Variants in UTRN observed in about 807,000 individuals in gnomAD.
UTRN encodes utrophin, also known as dystrophin-related protein 1.
In UTRN, 283 loss-of-function variants were observed where a neutral mutation model predicts 463.9. The ratio of observed to expected loss-of-function variants is 0.61; its 90% CI spans 0.55 to 0.67. The LOEUF (loss-of-function observed/expected upper bound fraction) is 0.67. Ranked by LOEUF, UTRN falls within the 30% of genes least tolerant of loss-of-function variation. The pLI, the probability that UTRN is intolerant of heterozygous loss-of-function variation, is 0.00. For synonymous variants in UTRN, 1,442 were observed against 1,431.5 expected (o/e 1.01, Z -0.17); for missense variants, 3,922 against 4,084.3 (o/e 0.96, Z 1.08).
intron 51 of UTRN, among the ~76,000 whole-genome samples, chr6:144,586,416 T>C (rs1445585541): frequency 6.6e-6 from 1 of 152,164 alleles, no homozygotes; most frequent in African/African-American, 2.4e-5. Flanking sequence ...CCTGATGACC[T>C]AAAATCACCC....
chr6:144,763,827 C>CCTTTGTTAT (rs775668069), intron 58 of UTRN, among the ~76,000 whole-genome samples: 2 of 152,138 alleles, frequency 1.3e-5, no homozygotes, highest in Non-Finnish European at 2.9e-5. Context: ...GTATAATTAA[C>CCTTTGTTAT]AATGAAAAAT....
intron 51 of UTRN, among the ~76,000 whole-genome samples, chr6:144,587,601 A>T (rs79339234): frequency 6.6e-6 from 1 of 152,132 alleles, no homozygotes; most frequent in South Asian, 2.1e-4. Flanking sequence ...TTTAGAAGAC[A>T]CTGAATGGAG....
chr6:144,826,251 A>G (rs980667080), intron 66 of UTRN, among the ~76,000 whole-genome samples: 3 of 152,062 alleles, frequency 2.0e-5, no homozygotes, highest in Non-Finnish European at 4.4e-5. Context: ...ATAATGTTCA[A>G]AAGTCTTTGC....
chr6:144,805,461 G>A (rs754265901), intron 65 of UTRN, among the ~76,000 whole-genome samples: 2 of 152,188 alleles, frequency 1.3e-5, no homozygotes, highest in Non-Finnish European at 2.9e-5. Context: ...ATTCAGCCCT[G>A]TAAAGAACTA....
chr6:144,496,163 C>A (rs1406430574), intron 33 of UTRN, among the ~76,000 whole-genome samples: 4 of 152,156 alleles, frequency 2.6e-5, no homozygotes, highest in African/African-American at 9.7e-5. Flanking sequence ...AGTGTGAAAC[C>A]TTAATAGGTA....
chr6:144,749,495 G>A, intron 55 of UTRN, among the ~76,000 whole-genome samples: 1 of 152,186 alleles, frequency 6.6e-6, no homozygotes, highest in Admixed American at 6.5e-5. Flanking sequence ...TTTATGGCAA[G>A]GAAGGCCACA....
At chr6:144,593,965 A>T (rs771085950) in intron 51 of UTRN, among the ~76,000 whole-genome samples, 18 of 152,230 alleles carry the variant, frequency 1.2e-4, no homozygotes, top group Non-Finnish European at 1.5e-5. Flanking sequence ...ATAAGGACAT[A>T]ATTCTTCAGA....
At chr6:144,424,152 C>T (rs771880183) in intron 6 of UTRN, 74 bp downstream of exon 6, 101 of 1,485,188 alleles carry the variant, frequency 6.8e-5, no homozygotes, top group Middle Eastern at 1.7e-4. Flanking sequence ...TTAAGGCTGC[C>T]GTAACCAAGT....
intron 23 of UTRN, among the ~76,000 whole-genome samples, chr6:144,472,729 G>T (rs111641838): frequency 0.011 from 1,741 of 151,618 alleles, 40 homozygotes; most frequent in African/African-American, 0.04. Context: ...AATGATTTTG[G>T]TATTGGAGCT....
intron 2 of UTRN, among the ~76,000 whole-genome samples, chr6:144,378,251 G>A (rs1780627231): frequency 6.6e-6 from 1 of 152,106 alleles, no homozygotes; most frequent in Non-Finnish European, 1.5e-5. Flanking sequence ...ACAAGTTAGA[G>A]GTCTAGATTG....
intron 12 of UTRN, 83 bp downstream of exon 12, chr6:144,438,978 C>A: frequency 7.0e-7 from 1 of 1,434,492 alleles, no homozygotes; most frequent in South Asian, 1.2e-5. Context: ...TGACATCTAT[C>A]GTTAACATGA....
chr6:144,317,586 G>A (rs1016469602), intron 2 of UTRN, among the ~76,000 whole-genome samples: 2 of 151,922 alleles, frequency 1.3e-5, no homozygotes, highest in African/African-American at 2.4e-5. Context: ...TAATAGAGAT[G>A]GGGTTTCACC....
At chr6:144,366,973 A>AT (rs372763364) in intron 2 of UTRN, among the ~76,000 whole-genome samples, 61 of 145,362 alleles carry the variant, frequency 4.2e-4, no homozygotes, top group African/African-American at 6.8e-4. Flanking sequence ...CTCTACTTGC[A>AT]TTTTTTTTTT....
chr6:144,291,439 C>A (rs1371011232), intron 1 of UTRN, among the ~76,000 whole-genome samples: 2 of 152,348 alleles, frequency 1.3e-5, no homozygotes, highest in South Asian at 4.1e-4. Flanking sequence ...TTGCCCAGGG[C>A]AGGTCAGACT....
chr6:144,620,381 A>G (rs1398429060), intron 51 of UTRN, among the ~76,000 whole-genome samples: 1 of 152,086 alleles, frequency 6.6e-6, no homozygotes, highest in Non-Finnish European at 1.5e-5. Flanking sequence ...CTGTTCTAAT[A>G]AAGGCTCCAT....
intron 39 of UTRN, among the ~76,000 whole-genome samples, chr6:144,517,542 G>A (rs1407294398): frequency 6.6e-6 from 1 of 152,042 alleles, no homozygotes; most frequent in African/African-American, 2.4e-5. Context: ...TGCATTTTAA[G>A]TGTGCTGTTG....
chr6:144,343,172 T>C (rs962847519), intron 2 of UTRN, among the ~76,000 whole-genome samples: 1 of 152,148 alleles, frequency 6.6e-6, no homozygotes, highest in African/African-American at 2.4e-5. Context: ...ATGAAAAGTC[T>C]TTGCTAATAA....
intron 23 of UTRN, among the ~76,000 whole-genome samples, chr6:144,465,126 G>A (rs991139700): frequency 1.3e-5 from 2 of 152,162 alleles, no homozygotes; most frequent in African/African-American, 4.8e-5. Context: ...CCAAAGTTTA[G>A]CAATGCCAGA....
At chr6:144,634,105 C>T (rs969041651) in intron 51 of UTRN, among the ~76,000 whole-genome samples, 1 of 152,218 alleles carries the variant, frequency 6.6e-6, no homozygotes, top group South Asian at 2.1e-4. Context: ...GTGTCCGAGC[C>T]GGTGCTGGTG....
Sources: gnomAD v4.1 joint callset for allele counts (sites outside exome capture counted in the v4.1 genomes callset) on GRCh38, gnomAD v4.1.1 for gene constraint, MANE v1.5 for transcripts, NCBI Gene and HGNC (gene_info 2026-07-23, HGNC 2026-07-21) for gene names.